The following HYCC2 variants were observed in gnomAD, a reference collection of about 807,000 sequenced individuals.
HYCC2 encodes hyccin PI4KA lipid kinase complex subunit 2, also known as hyccin 2.
chr2:200,992,410 A>C, the HYCC2 span: 1 of 1,267,834 alleles, frequency 7.9e-7, no homozygotes. Context: ...GCAAATATCT[A>C]ATCTTCAGCA....
chr2:201,062,217 C>G, the HYCC2 span, among the ~76,000 whole-genome samples: 22 of 152,198 alleles, frequency 1.4e-4, no homozygotes, highest in African/African-American at 4.3e-4. Context: ...GAGGAAATTA[C>G]TATATTATAA....
chr2:201,018,043 CT>C, the HYCC2 span, among the ~76,000 whole-genome samples: 1 of 152,042 alleles, frequency 6.6e-6, no homozygotes, highest in Non-Finnish European at 1.5e-5. Flanking sequence ...TTAAATTTTT[CT>C]TATTGTATTT....
chr2:201,042,877 G>GCCA, the HYCC2 span, among the ~76,000 whole-genome samples: 1 of 148,624 alleles, frequency 6.7e-6, no homozygotes, highest in East Asian at 2.1e-4. Context: ...CTGCCCGGCC[G>GCCA]CCCCGTCTGG....
chr2:200,999,146 T>C, the HYCC2 span, among the ~76,000 whole-genome samples: 14 of 151,918 alleles, frequency 9.2e-5, no homozygotes, highest in African/African-American at 3.4e-4. Context: ...ACCAGAAGAG[T>C]TGTTTCTAGG....
At chr2:201,062,032 G>C in the HYCC2 span, among the ~76,000 whole-genome samples, 1 of 152,202 alleles carries the variant, frequency 6.6e-6, no homozygotes, top group African/African-American at 2.4e-5. Context: ...TTGAGCCTGG[G>C]AGGTCGAGGC....
the HYCC2 span, among the ~76,000 whole-genome samples, chr2:201,068,928 AGAT>A: frequency 6.6e-6 from 1 of 152,244 alleles, no homozygotes; most frequent in African/African-American, 2.4e-5. Flanking sequence ...ATCAAAAAAA[AGAT>A]AATAAGCCAC....
chr2:200,980,265 G>A, the HYCC2 span: 1 of 152,602 alleles, frequency 6.6e-6, no homozygotes, highest in African/African-American at 2.4e-5. Flanking sequence ...AGTAGATTGA[G>A]AAATCCCTCT....
chr2:200,987,109 T>A, the HYCC2 span, among the ~76,000 whole-genome samples: 8 of 152,174 alleles, frequency 5.3e-5, no homozygotes, highest in Non-Finnish European at 8.8e-5. Context: ...CCCTGCCTTG[T>A]TAGTAGCCAT....
At chr2:201,067,150 TATG>T in the HYCC2 span, 1 of 232,814 alleles carries the variant, frequency 4.3e-6, no homozygotes, top group Non-Finnish European at 8.8e-6. Context: ...GGCTCCTGAT[TATG>T]ATGCTTTGGA....
At chr2:201,043,432 TA>T in the HYCC2 span, among the ~76,000 whole-genome samples, 826 of 74,862 alleles carry the variant, frequency 0.011, 2 homozygotes, top group African/African-American at 0.024. Context: ...CAATAAATAC[TA>T]AAAAAAAAAA....
At chr2:201,024,090 C>A in the HYCC2 span, 1 of 1,017,838 alleles carries the variant, frequency 9.8e-7, no homozygotes, top group Non-Finnish European at 1.5e-6. Flanking sequence ...ATAGGAACAA[C>A]TAGAAATAAA....
chr2:201,040,259 T>C, the HYCC2 span, among the ~76,000 whole-genome samples: 1 of 152,112 alleles, frequency 6.6e-6, no homozygotes, highest in African/African-American at 2.4e-5. Context: ...TTTTATCTGA[T>C]TTAACAACAG....
the HYCC2 span, among the ~76,000 whole-genome samples, chr2:201,033,023 G>GT: frequency 2.5e-4 from 37 of 146,660 alleles, no homozygotes; most frequent in East Asian, 1.6e-3. Context: ...CAAGGCATTT[G>GT]TTTTTTTTTT....
the HYCC2 span, chr2:201,011,603 A>G: frequency 1.9e-6 from 1 of 514,098 alleles, no homozygotes; most frequent in Non-Finnish European, 3.3e-6. Flanking sequence ...GTATAAAAAC[A>G]TTACCACCCT....
chr2:200,988,965 C>T, the HYCC2 span, among the ~76,000 whole-genome samples: 1 of 152,224 alleles, frequency 6.6e-6, no homozygotes, highest in Non-Finnish European at 1.5e-5. Flanking sequence ...TCCCTCTCCA[C>T]TTGGACAAGC....
chr2:201,051,912 A>G, the HYCC2 span, among the ~76,000 whole-genome samples: 1 of 152,210 alleles, frequency 6.6e-6, no homozygotes, highest in Non-Finnish European at 1.5e-5. Flanking sequence ...CCTAATACTA[A>G]GGAAGGAGAA....
the HYCC2 span, among the ~76,000 whole-genome samples, chr2:201,065,595 TGA>T: frequency 6.6e-6 from 1 of 152,184 alleles, no homozygotes; most frequent in African/African-American, 2.4e-5. Flanking sequence ...CTACAGAAAT[TGA>T]GAGAAGTAAA....
the HYCC2 span, among the ~76,000 whole-genome samples, chr2:200,997,959 C>G: frequency 6.6e-6 from 1 of 152,162 alleles, no homozygotes; most frequent in Non-Finnish European, 1.5e-5. Flanking sequence ...TTGCTTGAAC[C>G]CGGGAGGCGG....
the HYCC2 span, chr2:200,997,357 G>A: frequency 1.1e-6 from 1 of 924,916 alleles, no homozygotes; most frequent in Non-Finnish European, 1.7e-6. Context: ...TGTAATACCA[G>A]AAGTTAGAAC....
Sources: allele counts gnomAD v4.1 joint callset (sites outside exome capture counted in the v4.1 genomes callset), GRCh38; gene constraint gnomAD v4.1.1; transcripts MANE v1.5; gene names NCBI Gene and HGNC (gene_info 2026-07-23, HGNC 2026-07-21).